NFAM1: variants seen among roughly 807,000 people sequenced by gnomAD.
The protein encoded by NFAM1 is NFAT activation molecule 1.
Under a neutral mutation model 29.0 loss-of-function variants are expected in NFAM1, and 17 were observed. That is an observed-to-expected ratio of 0.59 (90% CI 0.40 to 0.88). The LOEUF is 0.88. NFAM1 is among the 40% of genes least tolerant of loss of function. The pLI is 0.00. For missense variants in NFAM1, 324 were observed against 344.6 expected (o/e 0.94, Z 0.47); for synonymous variants, 175 against 147.2 (o/e 1.19, Z -1.36).
chr22:42,398,147 C>T (rs1929595990), intron 3 of NFAM1, among the ~76,000 whole-genome samples, 191 bp from the exon 4 acceptor site: 1 of 152,248 alleles, frequency 6.6e-6, no homozygotes. Context: ...ATTCCTGCAC[C>T]TGGAGACACA....
intron 1 of NFAM1, among the ~76,000 whole-genome samples, chr22:42,427,269 T>C (rs1465267916): frequency 2.0e-5 from 3 of 152,188 alleles, no homozygotes; most frequent in African/African-American, 4.8e-5. Context: ...CCAGGATGCC[T>C]GTGTCCTCCC....
intron 4 of NFAM1, among the ~76,000 whole-genome samples, chr22:42,395,881 C>CAA (rs60278301): frequency 0.14 from 13,480 of 93,532 alleles, 972 homozygotes; most frequent in East Asian, 0.33. Flanking sequence ...AGACTCTGCT[C>CAA]AAAAAAAAAA....
chr22:42,427,625 C>T (rs768371930), intron 1 of NFAM1, among the ~76,000 whole-genome samples: 3 of 152,188 alleles, frequency 2.0e-5, no homozygotes, highest in Admixed American at 6.5e-5. Flanking sequence ...TTTAGCCCAC[C>T]GGCCGTGGTT....
rs1183878576 is a variant in NFAM1, at chr22:42,384,153, G to A, written c.*1008C>T. ...TCAATCCACAGGGGGCCAGGGCTGC[G>A]GCCTATGGCAGATAAAGATAGAGGA... On this transcript the variant is annotated 3_prime_UTR_variant, in exon 6 of 6. Coordinates refer to ENST00000329021, the MANE Select transcript of NFAM1 (RefSeq NM_145912.8). The A allele has an allele frequency of 6.5e-6, 1 of 152,828 alleles. No homozygotes were observed. The highest frequency in any genetic ancestry group is 2.4e-5 in the African/African-American group (1 of 41,432). 9.5% of individuals were successfully genotyped at this position (152,828 alleles called of 1,614,324 possible). A position where few individuals can be genotyped will look rare whatever the true frequency, so the allele number is the denominator to read the frequency against.
At chr22:42,407,586 G>C (rs1203473447) in intron 3 of NFAM1, among the ~76,000 whole-genome samples, 1 of 151,790 alleles carries the variant, frequency 6.6e-6, no homozygotes, top group Non-Finnish European at 1.5e-5. Context: ...GGTCAGGCTG[G>C]TCTCAAACTT....
chr22:42,405,769 C>T (rs1403103881), intron 3 of NFAM1, among the ~76,000 whole-genome samples: 3 of 152,174 alleles, frequency 2.0e-5, no homozygotes, highest in Non-Finnish European at 4.4e-5. Context: ...CACAGTGGTA[C>T]CCAAGGCCTG....
chr22:42,437,058 CT>C, upstream of NFAM1: 3 of 869,404 alleles, frequency 3.5e-6, no homozygotes, highest in Non-Finnish European at 4.1e-6. Flanking sequence ...CTAGTGCCAA[CT>C]CCCCAACCCC....
intron 4 of NFAM1, among the ~76,000 whole-genome samples, chr22:42,390,237 T>G (rs1929288484): frequency 1.3e-5 from 2 of 152,056 alleles, no homozygotes; most frequent in South Asian, 4.1e-4. Flanking sequence ...GTGTCCCCAC[T>G]TCCCTGTGCT....
At chr22:42,412,832 G>A (rs1049021506) in intron 1 of NFAM1, among the ~76,000 whole-genome samples, 25 of 152,294 alleles carry the variant, frequency 1.6e-4, no homozygotes, top group African/African-American at 5.5e-4. Context: ...CAACGCAGAG[G>A]TGCTCCACGT....
intron 3 of NFAM1, among the ~76,000 whole-genome samples, chr22:42,399,478 A>AAG (rs1000499325): frequency 6.7e-6 from 1 of 149,914 alleles, no homozygotes; most frequent in Non-Finnish European, 1.5e-5. Context: ...GAAAGAAAAA[A>AAG]AGAGAGAGAG....
intron 1 of NFAM1, among the ~76,000 whole-genome samples, chr22:42,425,103 G>C (rs1930581067): frequency 6.6e-6 from 1 of 151,718 alleles, no homozygotes; most frequent in Non-Finnish European, 1.5e-5. Flanking sequence ...TTGTATTTTT[G>C]GTGAAGAAGG....
chr22:42,425,200 G>T (rs908870373), intron 1 of NFAM1, among the ~76,000 whole-genome samples: 2 of 152,150 alleles, frequency 1.3e-5, no homozygotes. Flanking sequence ...GGGATTACAG[G>T]TGTGAGCCAC....
chr22:42,413,131 C>T (rs1209864384), intron 1 of NFAM1, among the ~76,000 whole-genome samples: 2 of 152,234 alleles, frequency 1.3e-5, no homozygotes, highest in African/African-American at 4.8e-5. Context: ...AGCTGAGCAG[C>T]AGACAGTTCT....
chr22:42,430,794 C>G (rs1483999132), intron 1 of NFAM1, among the ~76,000 whole-genome samples: 1 of 152,036 alleles, frequency 6.6e-6, no homozygotes, highest in African/African-American at 2.4e-5. Flanking sequence ...GCTCGGTTAC[C>G]AGGGTGTGCT....
At chr22:42,434,839 T>C (rs1217097610), upstream of NFAM1, among the ~76,000 whole-genome samples, 1 of 152,202 alleles carries the variant, frequency 6.6e-6, no homozygotes, top group Non-Finnish European at 1.5e-5. Flanking sequence ...GTGAGGTCCC[T>C]GGGGACCACA....
At chr22:42,430,245 G>T (rs1025690707) in intron 1 of NFAM1, among the ~76,000 whole-genome samples, 1 of 150,444 alleles carries the variant, frequency 6.6e-6, no homozygotes, top group East Asian at 2.0e-4. Context: ...CCTGGTGGAC[G>T]GAGCGAGACC....
At chr22:42,421,659 G>A (rs1930451711) in intron 1 of NFAM1, among the ~76,000 whole-genome samples, 1 of 152,074 alleles carries the variant, frequency 6.6e-6, no homozygotes, top group Admixed American at 6.6e-5. Context: ...CATCAAGCGC[G>A]CGTTGTCAGT....
intron 1 of NFAM1, among the ~76,000 whole-genome samples, chr22:42,424,737 G>A (rs1327571262): frequency 6.6e-6 from 1 of 152,008 alleles, no homozygotes; most frequent in Admixed American, 6.6e-5. Context: ...AATGATTTGT[G>A]TCTGGGAGGG....
rs369964298 is a variant in NFAM1 at position 42,381,783 on chromosome 22, C to A, written c.*3378G>T. On this transcript the variant is annotated 3_prime_UTR_variant, in exon 6 of 6. Transcript: ENST00000329021. Reference sequence around the variant, plus strand: ...TCCTGCTAAGCCAGCACCCTCCTTCCCTCACCTCTCTGCTTACCTTGCTCC... The same window carrying A: ...TCCTGCTAAGCCAGCACCCTCCTTCACTCACCTCTCTGCTTACCTTGCTCC... 3 of 153,542 alleles carry A rather than the reference C, an allele frequency of 2.0e-5. No individual in the cohort carries two copies. Among genetic ancestry groups the A allele is most frequent in the Admixed American group, 6.5e-5 (1 of 15,312 alleles). The allele number at this position is 153,542 out of a possible 1,614,324, so 9.5% of individuals were successfully genotyped here. A position where few individuals can be genotyped will look rare whatever the true frequency, so the allele number is the denominator to read the frequency against.
Sources: gnomAD v4.1 joint callset for allele counts (sites outside exome capture counted in the v4.1 genomes callset) on GRCh38, gnomAD v4.1.1 for gene constraint, MANE v1.5 for transcripts, NCBI Gene and HGNC (gene_info 2026-07-23, HGNC 2026-07-21) for gene names.